NRXN1: variants seen among roughly 807,000 people sequenced by gnomAD.
The protein encoded by NRXN1 is neurexin-1.
NRXN1 carries 39 observed loss-of-function variants against 150.9 expected under a neutral mutation model. That is an observed-to-expected ratio of 0.26 (90% CI 0.20 to 0.34). The LOEUF is 0.34. Among genes scored for constraint, NRXN1 ranks in the 10% least tolerant of loss-of-function variants. NRXN1 has a pLI of 1.00. For missense variants in NRXN1, 1,815 were observed against 1,949.9 expected (o/e 0.93, Z 1.30); for synonymous variants, 924 against 757.0 (o/e 1.22, Z -3.62).
chr2:50,267,657 A>C (rs1303240037), intron 17 of NRXN1, among the ~76,000 whole-genome samples: 1 of 152,126 alleles, frequency 6.6e-6, no homozygotes, highest in Non-Finnish European at 1.5e-5. Flanking sequence ...TATTTACCTA[A>C]TGCCCATAGC....
chr2:50,662,393 A>G (rs1687424545), intron 5 of NRXN1, among the ~76,000 whole-genome samples: 1 of 151,984 alleles, frequency 6.6e-6, no homozygotes, highest in African/African-American at 2.4e-5. Flanking sequence ...AATGGTTAAC[A>G]TTTCAAGAAA....
At chr2:50,661,898 C>T (rs1687355691) in intron 5 of NRXN1, among the ~76,000 whole-genome samples, 2 of 152,036 alleles carry the variant, frequency 1.3e-5, no homozygotes, top group Admixed American at 1.3e-4. Context: ...TTCCTGAAAG[C>T]TTCTTAGACT....
chr2:50,808,979 C>T (rs929954533), intron 5 of NRXN1, among the ~76,000 whole-genome samples: 2 of 152,100 alleles, frequency 1.3e-5, no homozygotes, highest in Non-Finnish European at 2.9e-5. Flanking sequence ...AAAAATCTTT[C>T]TAACAGACTG....
chr2:50,328,934 G>C (rs994039113), intron 17 of NRXN1, among the ~76,000 whole-genome samples: 1 of 152,024 alleles, frequency 6.6e-6, no homozygotes, highest in African/African-American at 2.4e-5. Context: ...ACAGTTATCT[G>C]AGTAGATGCT....
At chr2:50,641,745 G>T (rs1166259608) in intron 5 of NRXN1, among the ~76,000 whole-genome samples, 26 of 152,054 alleles carry the variant, frequency 1.7e-4, no homozygotes, top group Non-Finnish European at 1.6e-4. Flanking sequence ...CAGCAGAAAA[G>T]ATCTGCTGTG....
chr2:49,985,140 T>C (rs1203534195), intron 21 of NRXN1, among the ~76,000 whole-genome samples: 1 of 152,202 alleles, frequency 6.6e-6, no homozygotes, highest in African/African-American at 2.4e-5. Flanking sequence ...CAGCAATATA[T>C]ACCTTTTGAA....
At chr2:50,992,503 A>G (rs1284367413) in intron 2 of NRXN1, among the ~76,000 whole-genome samples, 3 of 146,686 alleles carry the variant, frequency 2.0e-5, no homozygotes, top group Non-Finnish European at 4.6e-5. Flanking sequence ...GCTCCAAAAT[A>G]GGTTTAGTGC....
chr2:50,697,367 G>A (rs1693061015), intron 5 of NRXN1, among the ~76,000 whole-genome samples: 1 of 152,192 alleles, frequency 6.6e-6, no homozygotes, highest in Non-Finnish European at 1.5e-5. Flanking sequence ...TTAAATTTGT[G>A]TGTGACAAAA....
chr2:50,545,918 T>A (rs1176873855), intron 9 of NRXN1, among the ~76,000 whole-genome samples: 1 of 152,126 alleles, frequency 6.6e-6, no homozygotes, highest in Non-Finnish European at 1.5e-5. Flanking sequence ...TCTAATACAA[T>A]GTAAATGCTA....
chr2:50,551,050 G>GAAGAAGAA (rs1553775723), intron 9 of NRXN1, among the ~76,000 whole-genome samples: 1,171 of 78,376 alleles, frequency 0.015, 14 homozygotes, highest in East Asian at 0.031. Context: ...AAGAGGAAGA[G>GAAGAAGAA]GAAGAAGAAG....
chr2:50,528,782 C>T, intron 11 of NRXN1, 131 bp from the exon 12 acceptor site: 2 of 569,546 alleles, frequency 3.5e-6, no homozygotes, highest in South Asian at 4.8e-5. Flanking sequence ...TATCATTATT[C>T]TTTACATACT....
intron 21 of NRXN1, among the ~76,000 whole-genome samples, chr2:49,987,842 T>C (rs1681199321): frequency 1.3e-5 from 2 of 152,018 alleles, no homozygotes; most frequent in Non-Finnish European, 1.5e-5. Context: ...TTTTTTCCTA[T>C]AAAATTTATC....
intron 17 of NRXN1, among the ~76,000 whole-genome samples, chr2:50,438,771 G>A (rs966188909): frequency 6.6e-6 from 1 of 152,126 alleles, no homozygotes; most frequent in Non-Finnish European, 1.5e-5. Flanking sequence ...CTCCCCAGGG[G>A]CATATTTGGT....
chr2:49,980,082 T>C (rs1453065692), intron 21 of NRXN1, among the ~76,000 whole-genome samples: 1 of 152,100 alleles, frequency 6.6e-6, no homozygotes, highest in Non-Finnish European at 1.5e-5. Context: ...AATAAAGAAA[T>C]TGGGACTCAG....
chr2:50,187,076 T>C (rs1471772579), intron 18 of NRXN1, among the ~76,000 whole-genome samples: 1 of 152,004 alleles, frequency 6.6e-6, no homozygotes, highest in South Asian at 2.1e-4. Context: ...AATAACATCA[T>C]AAAGTCAATG....
At chr2:50,412,873 G>A (rs906613194) in intron 17 of NRXN1, among the ~76,000 whole-genome samples, 1 of 152,114 alleles carries the variant, frequency 6.6e-6, no homozygotes, top group African/African-American at 2.4e-5. Context: ...GGGAATACAG[G>A]ATCCATATGC....
intron 17 of NRXN1, among the ~76,000 whole-genome samples, chr2:50,376,367 GAAA>G (rs775121470): frequency 9.6e-6 from 1 of 103,704 alleles, no homozygotes; most frequent in African/African-American, 3.4e-5. Flanking sequence ...GAAGCAAAAT[GAAA>G]AAAAAAAAAA....
intron 12 of NRXN1, among the ~76,000 whole-genome samples, chr2:50,517,424 A>G (rs371008788): frequency 6.6e-6 from 1 of 151,666 alleles, no homozygotes; most frequent in Non-Finnish European, 1.5e-5. Flanking sequence ...TTTTTTTTAA[A>G]TGGTAGATGA....
chr2:50,354,560 T>TAC (rs2078655075), intron 17 of NRXN1, among the ~76,000 whole-genome samples: 1 of 126,746 alleles, frequency 7.9e-6, no homozygotes, highest in Middle Eastern at 3.6e-3. Flanking sequence ...CATACATATA[T>TAC]ATATATATAT....
Sources: gnomAD v4.1 joint callset for allele counts (sites outside exome capture counted in the v4.1 genomes callset) on GRCh38, gnomAD v4.1.1 for gene constraint, MANE v1.5 for transcripts, NCBI Gene and HGNC (gene_info 2026-07-23, HGNC 2026-07-21) for gene names.